Variants in LRRTM3 observed in about 807,000 individuals in gnomAD.
LRRTM3 encodes the protein leucine rich repeat transmembrane neuronal 3.
LRRTM3 carries 24 observed loss-of-function variants against 44.7 expected under a neutral mutation model. The observed-to-expected ratio is 0.54, with a 90% CI of 0.39 to 0.76. The LOEUF is 0.76. Among genes scored for constraint, LRRTM3 ranks in the 30% least tolerant of loss-of-function variants. The pLI is 0.00. For missense variants in LRRTM3, 587 were observed against 702.2 expected (o/e 0.84, Z 1.85); for synonymous variants, 277 against 278.7 (o/e 0.99, Z 0.06).
At chr10:66,986,715 C>G (rs937862218) in intron 2 of LRRTM3, among the ~76,000 whole-genome samples, 2 of 152,100 alleles carry the variant, frequency 1.3e-5, no homozygotes, top group African/African-American at 4.8e-5. Context: ...TCAGGCTAAT[C>G]AGGTTGATTT....
chr10:66,973,880 C>T (rs1360796479), intron 2 of LRRTM3, among the ~76,000 whole-genome samples: 1 of 152,156 alleles, frequency 6.6e-6, no homozygotes, highest in Non-Finnish European at 1.5e-5. Context: ...CCTCGGCCTC[C>T]CAAAGTGCTG....
At chr10:66,961,578 G>T (rs1849110748) in intron 2 of LRRTM3, among the ~76,000 whole-genome samples, 1 of 151,862 alleles carries the variant, frequency 6.6e-6, no homozygotes, top group Non-Finnish European at 1.5e-5. Flanking sequence ...CTTCTCTTTT[G>T]TGTGTAAATT....
chr10:67,071,775 C>T (rs1043905277), intron 2 of LRRTM3, among the ~76,000 whole-genome samples: 1 of 152,102 alleles, frequency 6.6e-6, no homozygotes, highest in African/African-American at 2.4e-5. Context: ...AACACAAATA[C>T]CATTTACACA....
At chr10:67,067,777 T>G (rs1856181442) in intron 2 of LRRTM3, among the ~76,000 whole-genome samples, 1 of 152,206 alleles carries the variant, frequency 6.6e-6, no homozygotes, top group South Asian at 2.1e-4. Context: ...TTTTATTCAT[T>G]CAATCTGGGC....
chr10:67,018,325 A>T (rs1852787679), intron 2 of LRRTM3, among the ~76,000 whole-genome samples: 1 of 152,146 alleles, frequency 6.6e-6, no homozygotes. Flanking sequence ...TTCTGATTTG[A>T]TTCCTGATTC....
intron 2 of LRRTM3, among the ~76,000 whole-genome samples, chr10:66,970,795 C>CA (rs1442706616): frequency 1.5e-4 from 23 of 151,806 alleles, no homozygotes; most frequent in Admixed American, 2.0e-4. Flanking sequence ...TGAATTATAC[C>CA]AAAAAAGAGA....
At chr10:67,027,209 G>T (rs1046207224) in intron 2 of LRRTM3, among the ~76,000 whole-genome samples, 1 of 152,072 alleles carries the variant, frequency 6.6e-6, no homozygotes. Context: ...AACAAAAGGA[G>T]GAGAGATGAG....
intron 2 of LRRTM3, among the ~76,000 whole-genome samples, chr10:67,066,454 G>A (rs1371236422): frequency 6.6e-6 from 1 of 150,472 alleles, no homozygotes; most frequent in Non-Finnish European, 1.5e-5. Context: ...GCCTCCCAAA[G>A]TGCTAGAATT....
intron 2 of LRRTM3, among the ~76,000 whole-genome samples, chr10:67,011,145 C>T (rs868576537): frequency 1.3e-5 from 2 of 151,902 alleles, no homozygotes; most frequent in African/African-American, 4.8e-5. Context: ...CTGGCTAACA[C>T]GGTGAAACCC....
intron 2 of LRRTM3, among the ~76,000 whole-genome samples, chr10:67,020,261 T>C (rs1210889011): frequency 6.6e-6 from 1 of 152,144 alleles, no homozygotes; most frequent in South Asian, 2.1e-4. Context: ...AGAACTATTA[T>C]GTGGGAGGGG....
intron 2 of LRRTM3, among the ~76,000 whole-genome samples, chr10:66,949,817 TCA>T (rs1217560612): frequency 6.8e-6 from 1 of 146,846 alleles, no homozygotes; most frequent in Non-Finnish European, 1.5e-5. Context: ...GATAGCTTTC[TCA>T]CATGTTTTGT....
At chr10:67,065,958 C>G (rs1013141224) in intron 2 of LRRTM3, among the ~76,000 whole-genome samples, 1 of 151,876 alleles carries the variant, frequency 6.6e-6, no homozygotes, top group African/African-American at 2.4e-5. Context: ...AAATATGCCA[C>G]CAAGTATACA....
At chr10:66,964,182 G>C (rs1196471639) in intron 2 of LRRTM3, among the ~76,000 whole-genome samples, 1 of 151,896 alleles carries the variant, frequency 6.6e-6, no homozygotes, top group Non-Finnish European at 1.5e-5. Flanking sequence ...TAACATCGTA[G>C]GAAAAACTTT....
intron 2 of LRRTM3, among the ~76,000 whole-genome samples, chr10:67,093,876 A>T (rs946361175): frequency 1.3e-5 from 2 of 151,986 alleles, no homozygotes; most frequent in African/African-American, 4.8e-5. Flanking sequence ...CCATATTCTC[A>T]AACAACTGAC....
Position 66,928,019 on chromosome 10 carries a change from G to C in LRRTM3, c.1103G>C (p.Arg368Thr), listed in dbSNP as rs140333834. The change falls in exon 2 of 3, where the codon AGG becomes ACG. Residue 368 changes from arginine to threonine, a missense_variant. Transcript: ENST00000361320. ...ATCTGTGGCAAAAGTACTACAGAGAGGTTTGATCTGGCCAGGGCTCTCCCA... is the reference window on the plus strand; with the variant it reads ...ATCTGTGGCAAAAGTACTACAGAGACGTTTGATCTGGCCAGGGCTCTCCCA... ...YSICGKSTTE[R>T]FDLARALPKP... is the part of the protein sequence containing the mutation. 6 of 1,614,016 alleles carry C rather than the reference G, an allele frequency of 3.7e-6. No homozygotes were observed. The highest frequency in any genetic ancestry group is 5.1e-6 in the Non-Finnish European group (6 of 1,180,054).
intron 2 of LRRTM3, among the ~76,000 whole-genome samples, chr10:67,025,683 T>C (rs902219440): frequency 1.3e-5 from 2 of 152,134 alleles, no homozygotes; most frequent in African/African-American, 2.4e-5. Context: ...ACTATATCAT[T>C]ACACAACAAC....
At chr10:66,944,434 C>T (rs543868635) in intron 2 of LRRTM3, among the ~76,000 whole-genome samples, 5 of 152,264 alleles carry the variant, frequency 3.3e-5, no homozygotes, top group African/African-American at 9.6e-5. Context: ...TTACTTCCTC[C>T]ACTGAAGTCT....
chr10:67,020,432 C>T (rs1476733689), intron 2 of LRRTM3, among the ~76,000 whole-genome samples: 3 of 152,160 alleles, frequency 2.0e-5, no homozygotes, highest in Non-Finnish European at 4.4e-5. Flanking sequence ...GATATTGTAA[C>T]TTATCTCAAT....
At chr10:66,966,164 G>C (rs1203671883) in intron 2 of LRRTM3, among the ~76,000 whole-genome samples, 3 of 151,794 alleles carry the variant, frequency 2.0e-5, no homozygotes, top group Non-Finnish European at 1.5e-5. Context: ...TCTGACAGAA[G>C]ACCTCAATAA....
Sources: allele counts gnomAD v4.1 joint callset (sites outside exome capture counted in the v4.1 genomes callset), GRCh38; gene constraint gnomAD v4.1.1; transcripts MANE v1.5; gene names NCBI Gene and HGNC (gene_info 2026-07-23, HGNC 2026-07-21).